NKAIN1: variants seen among roughly 807,000 people sequenced by gnomAD.
NKAIN1 encodes sodium/potassium-transporting ATPase subunit beta-1-interacting protein 1.
NKAIN1 carries 13 observed loss-of-function variants against 31.6 expected under a neutral mutation model. That is an observed-to-expected ratio of 0.41 (90% confidence interval 0.27 to 0.65). The LOEUF is 0.65. Ranked by LOEUF, NKAIN1 falls within the 30% of genes least tolerant of loss-of-function variation. The probability of loss-of-function intolerance (pLI) is 0.30; values close to 1 mark genes in which losing one functional copy is unlikely to be tolerated. For synonymous variants in NKAIN1, 104 were observed against 109.0 expected (o/e 0.95, Z 0.28); for missense variants, 193 against 262.2 (o/e 0.74, Z 1.82).
intron 1 of NKAIN1, among the ~76,000 whole-genome samples, chr1:31,207,320 A>G (rs1481894802): frequency 6.6e-6 from 1 of 152,204 alleles, no homozygotes. Context: ...TAAAATGGGG[A>G]TGATGATAAC....
chr1:31,200,358 C>G (rs1645370242), intron 1 of NKAIN1, among the ~76,000 whole-genome samples: 1 of 151,954 alleles, frequency 6.6e-6, no homozygotes, highest in African/African-American at 2.4e-5. Context: ...GATGTTATTT[C>G]TAGGGAGTGG....
chr1:31,199,067 A>ATAG (rs1645355420), intron 1 of NKAIN1, among the ~76,000 whole-genome samples: 1 of 152,194 alleles, frequency 6.6e-6, no homozygotes, highest in African/African-American at 2.4e-5. Flanking sequence ...CCATGTCACC[A>ATAG]TAGGCCTTAG....
intron 1 of NKAIN1, among the ~76,000 whole-genome samples, chr1:31,224,369 C>T (rs1053488938): frequency 3.5e-4 from 54 of 152,236 alleles, no homozygotes; most frequent in African/African-American, 1.2e-3. Flanking sequence ...GTCCGCCCCA[C>T]AAATGCTGGG....
At chr1:31,198,618 C>T (rs908291867) in intron 1 of NKAIN1, among the ~76,000 whole-genome samples, 2 of 152,114 alleles carry the variant, frequency 1.3e-5, no homozygotes, top group African/African-American at 2.4e-5. Context: ...CAATGCCAAC[C>T]CCCCTGCCCT....
chr1:31,234,915 G>A (rs1645683825), intron 1 of NKAIN1, among the ~76,000 whole-genome samples: 1 of 152,120 alleles, frequency 6.6e-6, no homozygotes, highest in South Asian at 2.1e-4. Flanking sequence ...TTGGGCAAAC[G>A]TCACACCCCT....
At chr1:31,221,281 C>T (rs1290737755) in intron 1 of NKAIN1, among the ~76,000 whole-genome samples, 1 of 152,126 alleles carries the variant, frequency 6.6e-6, no homozygotes, top group Non-Finnish European at 1.5e-5. Context: ...CCTGGGCAGG[C>T]TTTCAGTGTC....
chr1:31,212,408 T>C (rs1196611806), intron 1 of NKAIN1, among the ~76,000 whole-genome samples: 4 of 82,842 alleles, frequency 4.8e-5, no homozygotes, highest in African/African-American at 3.0e-5. Context: ...GTTTCTTTTT[T>C]TTTTTTTTTT....
intron 3 of NKAIN1, 94 bp from the exon 4 acceptor site, chr1:31,184,108 G>T: frequency 9.1e-7 from 1 of 1,103,798 alleles, no homozygotes; most frequent in Non-Finnish European, 1.3e-6. Context: ...TCGGTGAAGG[G>T]ATTCAGGGAG....
chr1:31,238,104 G>C (rs1645705365), intron 1 of NKAIN1, among the ~76,000 whole-genome samples: 1 of 152,176 alleles, frequency 6.6e-6, no homozygotes, highest in East Asian at 1.9e-4. Context: ...GCCAGTGGGG[G>C]GAAGTCACTT....
chr1:31,196,674 C>T (rs1388214721), intron 1 of NKAIN1, among the ~76,000 whole-genome samples: 5 of 151,168 alleles, frequency 3.3e-5, no homozygotes, highest in Admixed American at 1.3e-4. Flanking sequence ...CCAGCCTGGG[C>T]GACAGAGTGA....
intron 1 of NKAIN1, among the ~76,000 whole-genome samples, chr1:31,238,962 G>A (rs1023050537): frequency 6.6e-6 from 1 of 152,186 alleles, no homozygotes; most frequent in African/African-American, 2.4e-5. Flanking sequence ...ATGAACATGG[G>A]CCAGAAATGG....
At position 31,182,655 on chromosome 1, in the gene NKAIN1, C is replaced by T. The variant is rs377480263; in HGVS notation, c.472-65G>A. On this transcript the variant is annotated intron_variant, in intron 4 of 6. Transcript: ENST00000373736. ...GGGAACCTCTTCCTCCGCCCCCTGC[C>T]GGGCCCTGTACGCTCTGACTGGCAA... is the stretch of plus-strand genomic sequence containing the variant. The T allele has an allele frequency of 1.1e-4, 168 of 1,587,204 alleles. 1 individual carries two copies. The African/African-American group carries it at 1.2e-3, about 11-fold the overall frequency.
At position 31,233,559 on chromosome 1, in the gene NKAIN1, G is replaced by A. The variant is rs1274466621; in HGVS notation, c.54+5935C>T. 6.6e-6 allele frequency among the ~76,000 whole-genome samples: 1 copy of A among 152,192 alleles called. No individual in the cohort carries two copies. The highest frequency in any genetic ancestry group is 2.4e-5 in the African/African-American group (1 of 41,440). On this transcript the variant is annotated intron_variant, in intron 1 of 6. Transcript: ENST00000373736. The surrounding 1 kb of genome is among the most constrained non-coding windows in gnomAD (Gnocchi z 4.0). ...ATATAAAATGCCTAGTACAATGCCT[G>A]GCTCATAGCAGACACCAAACAAAAA...
intron 1 of NKAIN1, among the ~76,000 whole-genome samples, chr1:31,210,238 C>A (rs1038765431): frequency 6.6e-6 from 1 of 151,830 alleles, no homozygotes; most frequent in African/African-American, 2.4e-5. Flanking sequence ...GCCATACCCA[C>A]GGGCCACAAA....
intron 1 of NKAIN1, among the ~76,000 whole-genome samples, chr1:31,230,599 A>G (rs1645640299): frequency 6.6e-6 from 1 of 152,158 alleles, no homozygotes; most frequent in Non-Finnish European, 1.5e-5. Flanking sequence ...GAATCAATCG[A>G]CATCCCTCTC....
intron 1 of NKAIN1, among the ~76,000 whole-genome samples, chr1:31,225,033 C>CTT (rs1553163963): frequency 8.9e-6 from 1 of 112,132 alleles, no homozygotes. Flanking sequence ...CTTTTCTTTT[C>CTT]TTTTTTTTTT....
In NKAIN1 at chr1:31,220,003, A is replaced by ACTTTTTTTTTTTTTTTTT. The variant is rs138578415; in HGVS notation, c.54+19490_54+19491insAAAAAAAAAAAAAAAAAG. On this transcript the variant is annotated intron_variant, in intron 1 of 6. Transcript: ENST00000373736. ...GCTAAACCTGCTTCAGAACACTCAGATTTTTTTTTTTTTTTTTTTTTGAGA... is the reference window on the plus strand; with the variant it reads ...GCTAAACCTGCTTCAGAACACTCAGACTTTTTTTTTTTTTTTTTTTTTTTTTTTTTTTTTTTTTTGAGA... Among the ~76,000 whole-genome samples the ACTTTTTTTTTTTTTTTTT allele has an allele frequency of 1.6e-5, 2 of 127,784 alleles. 1 individual carries two copies. The highest frequency in any genetic ancestry group is 3.2e-5 in the Non-Finnish European group (2 of 63,226). The allele number at this position is 127,784 out of a possible 152,430, so 83.8% of individuals were successfully genotyped here.
chr1:31,223,927 A>T (rs922330739), intron 1 of NKAIN1, among the ~76,000 whole-genome samples: 1 of 152,208 alleles, frequency 6.6e-6, no homozygotes, highest in African/African-American at 2.4e-5. Context: ...TTTTCCTGCA[A>T]TGCCTGTTCC....
chr1:31,231,653 C>G (rs1418998036), intron 1 of NKAIN1, among the ~76,000 whole-genome samples: 2 of 152,068 alleles, frequency 1.3e-5, no homozygotes, highest in Non-Finnish European at 2.9e-5. Flanking sequence ...GCCTCAGCCT[C>G]CCGAGTAGCT....
Sources: allele counts gnomAD v4.1 joint callset (sites outside exome capture counted in the v4.1 genomes callset), GRCh38; gene constraint gnomAD v4.1.1; non-coding constraint Gnocchi (gnomAD v3.1); transcripts MANE v1.5; gene names NCBI Gene and HGNC (gene_info 2026-07-23, HGNC 2026-07-21).